Variants in CLVS1 observed in about 807,000 individuals in gnomAD.
The protein encoded by CLVS1 is clavesin 1, also known as clavesin-1.
In CLVS1, 10 loss-of-function variants were observed where a neutral mutation model predicts 33.1. The observed-to-expected ratio is 0.30, with a 90% CI of 0.19 to 0.51. The LOEUF (loss-of-function observed/expected upper bound fraction) is 0.51, where lower values mean the gene tolerates loss of function less well. Ranked by LOEUF, CLVS1 falls within the 20% of genes least tolerant of loss-of-function variation. CLVS1 has a pLI of 0.97. For missense variants in CLVS1, 343 were observed against 433.4 expected, an observed-to-expected ratio of 0.79 and a Z score of 1.85; for synonymous variants, 163 against 166.1, an observed-to-expected ratio of 0.98 and a Z score of 0.14.
At chr8:61,378,781 G>A (rs1217065653) in intron 3 of CLVS1, among the ~76,000 whole-genome samples, 1 of 152,116 alleles carries the variant, frequency 6.6e-6, no homozygotes, top group Non-Finnish European at 1.5e-5. Context: ...CTCACTTCAG[G>A]CTATCTGCTC....
At chr8:61,139,712 T>C (rs1444221582) in intron 2 of CLVS1, among the ~76,000 whole-genome samples, 3 of 151,818 alleles carry the variant, frequency 2.0e-5, no homozygotes, top group Non-Finnish European at 4.4e-5. Context: ...TTCCCCTCGG[T>C]GGTCGGGGTC....
At chr8:61,135,558 A>G (rs1806178025) in intron 2 of CLVS1, among the ~76,000 whole-genome samples, 1 of 152,240 alleles carries the variant, frequency 6.6e-6, no homozygotes, top group Admixed American at 6.5e-5. Flanking sequence ...GAGTAGGAAT[A>G]AGAGCAAGAG....
chr8:61,475,710 G>A (rs1274447848), intron 5 of CLVS1, among the ~76,000 whole-genome samples: 1 of 152,184 alleles, frequency 6.6e-6, no homozygotes, highest in African/African-American at 2.4e-5. Flanking sequence ...TTTGTCAGAT[G>A]AGTAGGTTGC....
chr8:61,376,791 G>A lies in CLVS1; in HGVS notation c.630+12G>A, dbSNP rs937241931. On this transcript the variant is annotated intron_variant, in intron 3 of 5. Coordinates refer to ENST00000325897, the MANE Select transcript of CLVS1 (RefSeq NM_173519.3). The stretch of plus-strand genomic sequence containing the variant: ...TTGAAGGGTTGCAGGTATGTTCAAT[G>A]AATGCGCAATACAAGACCATGTGTG... 1 of 1,610,930 alleles carries A rather than the reference G, an allele frequency of 6.2e-7. No homozygotes were observed. The highest frequency in any genetic ancestry group is 1.7e-5 in the Admixed American group (1 of 59,858).
chr8:61,195,986 T>C (rs948620805), intron 2 of CLVS1, among the ~76,000 whole-genome samples: 1 of 152,178 alleles, frequency 6.6e-6, no homozygotes, highest in African/African-American at 2.4e-5. Context: ...CATATGAGCT[T>C]TGGGTTTCAG....
At chr8:61,130,473 C>T (rs920089153) in intron 1 of CLVS1, among the ~76,000 whole-genome samples, 2 of 152,054 alleles carry the variant, frequency 1.3e-5, no homozygotes, top group Non-Finnish European at 2.9e-5. Flanking sequence ...CGAATTAGTT[C>T]ACCTATCTGT....
At chr8:61,174,829 T>A (rs546250966) in intron 2 of CLVS1, among the ~76,000 whole-genome samples, 1 of 152,336 alleles carries the variant, frequency 6.6e-6, no homozygotes, top group East Asian at 1.9e-4. Flanking sequence ...GTGAAATGTA[T>A]TGAAATTTTT....
intron 2 of CLVS1, among the ~76,000 whole-genome samples, chr8:61,278,719 C>T (rs930791974): frequency 2.0e-5 from 3 of 152,228 alleles, no homozygotes; most frequent in African/African-American, 7.2e-5. Flanking sequence ...TAACTTCTTT[C>T]CTCCAATGCA....
At chr8:61,123,453 T>G (rs557681211) in intron 1 of CLVS1, among the ~76,000 whole-genome samples, 1 of 152,342 alleles carries the variant, frequency 6.6e-6, no homozygotes, top group Non-Finnish European at 1.5e-5. Flanking sequence ...TACGTTTGTA[T>G]GCTACTAAGC....
intron 2 of CLVS1, among the ~76,000 whole-genome samples, chr8:61,216,623 A>G (rs1343757385): frequency 6.6e-6 from 1 of 152,234 alleles, no homozygotes; most frequent in South Asian, 2.1e-4. Context: ...ACAGTTTAGT[A>G]ATAGTATTTT....
At chr8:61,427,802 T>G (rs1585958704) in intron 3 of CLVS1, among the ~76,000 whole-genome samples, 1 of 152,218 alleles carries the variant, frequency 6.6e-6, no homozygotes, top group Non-Finnish European at 1.5e-5. Flanking sequence ...ATATCCTTTT[T>G]GGTAACACTG....
At chr8:61,476,383 T>C (rs1476783025) in intron 5 of CLVS1, among the ~76,000 whole-genome samples, 2 of 152,342 alleles carry the variant, frequency 1.3e-5, no homozygotes, top group East Asian at 3.9e-4. Context: ...TAAATTACCT[T>C]GGGCAGTATG....
In CLVS1 at chr8:61,406,883, A is replaced by G. The variant is rs1023295216; in HGVS notation, c.630+30104A>G. 2.0e-5 allele frequency among the ~76,000 whole-genome samples: 3 copies of G among 152,198 alleles called. No individual in the cohort carries two copies. In the East Asian group the frequency reaches 5.8e-4, roughly 29 times the overall value. On this transcript the variant is annotated intron_variant, in intron 3 of 5. Coordinates refer to ENST00000325897, the MANE Select transcript of CLVS1 (RefSeq NM_173519.3). Reference sequence around the variant, plus strand: ...CTCAACCTCCCAAAGTGCTGGGATTACAGGTGCGAGCTGCCGCGCCAGGCC... The same window carrying G: ...CTCAACCTCCCAAAGTGCTGGGATTGCAGGTGCGAGCTGCCGCGCCAGGCC...
the CLVS1 span, among the ~76,000 whole-genome samples, chr8:60,993,494 G>C: frequency 1.3e-5 from 2 of 152,220 alleles, no homozygotes; most frequent in African/African-American, 4.8e-5. Flanking sequence ...TGTGCCTCAG[G>C]CTTCTCATCT....
chr8:61,239,810 C>T (rs1186949761), intron 2 of CLVS1, among the ~76,000 whole-genome samples: 1 of 152,198 alleles, frequency 6.6e-6, no homozygotes, highest in Admixed American at 6.5e-5. Context: ...TTATGATAAG[C>T]TTTCACGCAA....
intron 1 of CLVS1, among the ~76,000 whole-genome samples, chr8:61,119,201 CTTTA>C (rs966023418): frequency 2.0e-5 from 3 of 152,066 alleles, no homozygotes; most frequent in African/African-American, 4.8e-5. Flanking sequence ...CAACCCCTGC[CTTTA>C]TTTGTTTTCC....
At chr8:60,975,038 G>C in the CLVS1 span, among the ~76,000 whole-genome samples, 13 of 152,258 alleles carry the variant, frequency 8.5e-5, no homozygotes, top group African/African-American at 2.6e-4. Context: ...GGTACTCAGA[G>C]TGCTGAGAAC....
intron 2 of CLVS1, among the ~76,000 whole-genome samples, chr8:61,372,139 A>G (rs971777715): frequency 6.6e-6 from 1 of 152,218 alleles, no homozygotes; most frequent in South Asian, 2.1e-4. Context: ...TACAAGTGCT[A>G]AAATACTCTG....
intron 5 of CLVS1, among the ~76,000 whole-genome samples, chr8:61,491,706 CA>C (rs978785854): frequency 2.0e-4 from 30 of 152,014 alleles, no homozygotes; most frequent in Admixed American, 1.8e-3. Context: ...TTAGCCTGAT[CA>C]AAAAAGCAGG....
Sources: gnomAD v4.1 joint callset for allele counts (sites outside exome capture counted in the v4.1 genomes callset) on GRCh38, gnomAD v4.1.1 for gene constraint, MANE v1.5 for transcripts, NCBI Gene and HGNC (gene_info 2026-07-23, HGNC 2026-07-21) for gene names.